The following PDZRN3 variants were observed in gnomAD, a reference collection of about 807,000 sequenced individuals.
The protein encoded by PDZRN3 is E3 ubiquitin-protein ligase PDZRN3.
In PDZRN3, 38 loss-of-function variants were observed where a neutral mutation model predicts 85.7. The ratio of observed to expected loss-of-function variants is 0.44; its 90% confidence interval spans 0.34 to 0.58. The LOEUF (loss-of-function observed/expected upper bound fraction) is 0.58, where lower values mean the gene tolerates loss of function less well. Among genes scored for constraint, PDZRN3 ranks in the 20% least tolerant of loss-of-function variants. The pLI is 0.01. For missense variants in PDZRN3, 1,629 were observed against 1,506.4 expected, an observed-to-expected ratio of 1.08 and a Z score of -1.35; for synonymous variants, 759 against 638.0, an observed-to-expected ratio of 1.19 and a Z score of -2.86.
chr3:73,392,555 C>T (rs1486266597), intron 5 of PDZRN3, among the ~76,000 whole-genome samples: 1 of 152,188 alleles, frequency 6.6e-6, no homozygotes, highest in Non-Finnish European at 1.5e-5. Context: ...GAGTCACCAA[C>T]ATGAGGCACA....
rs1360122008 is a variant in PDZRN3 at position 73,391,722 on chromosome 3, T to C, written c.1255-606A>G. Among the ~76,000 whole-genome samples the C allele has an allele frequency of 2.6e-5, 4 of 152,200 alleles. No homozygotes were observed. In the East Asian group the frequency reaches 5.8e-4, roughly 22 times the overall value. ...AAAGTGAGCCCAAATGTGGGATACATGCTATTGTATTTGCCAGTTAGTCTG... is the reference window on the plus strand; with the variant it reads ...AAAGTGAGCCCAAATGTGGGATACACGCTATTGTATTTGCCAGTTAGTCTG... On this transcript the variant is annotated intron_variant, in intron 5 of 9. Coordinates refer to ENST00000263666, the MANE Select transcript of PDZRN3 (RefSeq NM_015009.3).
chr3:73,601,077 C>A (rs1446880493), intron 3 of PDZRN3, among the ~76,000 whole-genome samples: 3 of 152,152 alleles, frequency 2.0e-5, no homozygotes, highest in Non-Finnish European at 4.4e-5. Context: ...GAGCCTTACA[C>A]CCTAACTAGT....
chr3:73,384,025 C>A lies in PDZRN3; in HGVS notation c.2541G>T (p.Arg847=). The change falls in exon 10 of 10, where the codon CGG becomes CGT. Residue 847 remains arginine, a synonymous_variant. Transcript: ENST00000263666. The stretch of plus-strand genomic sequence containing the variant: ...CCAGCTTCTGGCTGGGCGTGGGGCT[C>A]CGGCTCCCGTCGCTGGCTCTCCGCT... The part of the protein sequence containing the change: ...SKERRASDGS[R]SPTPSQKLGS... 2.5e-6 allele frequency: 4 copies of A among 1,592,232 alleles called. No homozygotes were observed. The highest frequency in any genetic ancestry group is 2.6e-6 in the Non-Finnish European group (3 of 1,170,860).
At chr3:73,444,159 T>G (rs779503526) in intron 3 of PDZRN3, among the ~76,000 whole-genome samples, 1 of 152,184 alleles carries the variant, frequency 6.6e-6, no homozygotes, top group Non-Finnish European at 1.5e-5. Flanking sequence ...ATGCTTTTAT[T>G]GGACCCATTA....
intron 1 of PDZRN3, among the ~76,000 whole-genome samples, chr3:73,609,312 T>C (rs1326662148): frequency 6.6e-6 from 1 of 152,158 alleles, no homozygotes; most frequent in Non-Finnish European, 1.5e-5. Flanking sequence ...GAAAGCACTC[T>C]GTTTAAGGCT....
intron 3 of PDZRN3, among the ~76,000 whole-genome samples, chr3:73,492,643 G>C (rs1230024930): frequency 6.6e-6 from 1 of 152,202 alleles, no homozygotes; most frequent in East Asian, 1.9e-4. Context: ...AGGCAGTGTG[G>C]TACTGAGGCC....
intron 3 of PDZRN3, among the ~76,000 whole-genome samples, chr3:73,583,215 A>C (rs1702226053): frequency 6.6e-6 from 1 of 152,218 alleles, no homozygotes; most frequent in Non-Finnish European, 1.5e-5. Flanking sequence ...GAAGGTCCAG[A>C]AAATTTAAGG....
At chr3:73,580,601 C>T (rs1702186407) in intron 3 of PDZRN3, among the ~76,000 whole-genome samples, 1 of 152,212 alleles carries the variant, frequency 6.6e-6, no homozygotes, top group Admixed American at 6.5e-5. Context: ...GGGAACTTGA[C>T]ATAAAGAGGA....
intron 3 of PDZRN3, among the ~76,000 whole-genome samples, chr3:73,557,971 A>G (rs983883044): frequency 1.3e-5 from 2 of 152,186 alleles, no homozygotes; most frequent in Non-Finnish European, 2.9e-5. Flanking sequence ...TTAAGTGATT[A>G]TCTTTGGGGT....
intron 3 of PDZRN3, among the ~76,000 whole-genome samples, chr3:73,597,936 A>G (rs1455668838): frequency 6.6e-6 from 1 of 152,174 alleles, no homozygotes; most frequent in Non-Finnish European, 1.5e-5. Flanking sequence ...AGGTGATCCA[A>G]TGCTGTGCAA....
At chr3:73,426,475 A>G (rs1054523650) in intron 3 of PDZRN3, among the ~76,000 whole-genome samples, 1 of 152,226 alleles carries the variant, frequency 6.6e-6, no homozygotes, top group Admixed American at 6.5e-5. Context: ...TGTAAACTAG[A>G]TATTACAGAA....
chr3:73,415,619 G>C (rs1180252794), intron 3 of PDZRN3, among the ~76,000 whole-genome samples: 2 of 152,008 alleles, frequency 1.3e-5, no homozygotes, highest in Non-Finnish European at 2.9e-5. Flanking sequence ...TTCACATTCA[G>C]TACAGTATTA....
chr3:73,385,347 CAG>C (rs1465464664), intron 9 of PDZRN3, among the ~76,000 whole-genome samples: 1 of 152,204 alleles, frequency 6.6e-6, no homozygotes, highest in East Asian at 1.9e-4. Context: ...TCCTGTTAAA[CAG>C]AGGGGATTGC....
chr3:73,395,885 C>T (rs921215020), intron 5 of PDZRN3, among the ~76,000 whole-genome samples: 2 of 152,170 alleles, frequency 1.3e-5, no homozygotes, highest in Non-Finnish European at 2.9e-5. Context: ...AGACAAGAGT[C>T]CAGCTCTTAG....
chr3:73,390,978 C>A, intron 6 of PDZRN3, 40 bp downstream of exon 6: 2 of 1,342,074 alleles, frequency 1.5e-6, no homozygotes, highest in Admixed American at 1.8e-5. Context: ...CCCTTTTGGT[C>A]TTGATACGAT....
chr3:73,507,376 G>A (rs1704086911), intron 3 of PDZRN3, among the ~76,000 whole-genome samples: 1 of 152,084 alleles, frequency 6.6e-6, no homozygotes, highest in African/African-American at 2.4e-5. Flanking sequence ...TCACCATGTT[G>A]GCCAGGCTGG....
At chr3:73,451,573 G>A (rs1054382531) in intron 3 of PDZRN3, among the ~76,000 whole-genome samples, 2 of 152,186 alleles carry the variant, frequency 1.3e-5, no homozygotes, top group African/African-American at 4.8e-5. Flanking sequence ...GGTCACTAAA[G>A]AGAGTAAATA....
chr3:73,508,243 T>C (rs767055184), intron 3 of PDZRN3, among the ~76,000 whole-genome samples: 2 of 152,134 alleles, frequency 1.3e-5, no homozygotes, highest in Non-Finnish European at 2.9e-5. Context: ...ACCCCTCCCA[T>C]AGTGTTGCCT....
At position 73,540,087 on chromosome 3, in the gene PDZRN3, GAAAAA is replaced by G. The variant is rs1168662549; in HGVS notation, c.918+62262_918+62266del. ...ACAGATGCTCTGAAAACTGTTGGAT[GAAAAA>G]AAAAAAAAAAAAAAAAAAACAGTTC... is the stretch of plus-strand genomic sequence containing the variant. On this transcript the variant is annotated intron_variant, in intron 3 of 9. Coordinates refer to ENST00000263666, the MANE Select transcript of PDZRN3 (RefSeq NM_015009.3). Among the ~76,000 whole-genome samples, 12 of 50,046 alleles carry G rather than the reference GAAAAA, an allele frequency of 2.4e-4. No homozygotes were observed. The South Asian group carries it at 4.7e-3, about 20-fold the overall frequency. 32.8% of individuals were successfully genotyped at this position (50,046 alleles called of 152,430 possible). A position where few individuals can be genotyped will look rare whatever the true frequency, so the allele number is the denominator to read the frequency against.
Sources: gnomAD v4.1 joint callset for allele counts (sites outside exome capture counted in the v4.1 genomes callset) on GRCh38, gnomAD v4.1.1 for gene constraint, MANE v1.5 for transcripts, NCBI Gene and HGNC (gene_info 2026-07-23, HGNC 2026-07-21) for gene names.